The following FGD5 variants were observed in gnomAD, a reference collection of about 807,000 sequenced individuals.
FGD5 encodes the protein FYVE, RhoGEF and PH domain-containing protein 5.
Under a neutral mutation model 133.4 loss-of-function variants are expected in FGD5, and 28 were observed. The observed-to-expected ratio is 0.21, with a 90% CI of 0.16 to 0.29. FGD5 has a LOEUF of 0.29. Ranked by LOEUF, FGD5 falls within the 10% of genes least tolerant of loss-of-function variation. The probability of loss-of-function intolerance (pLI) is 1.00; values close to 1 mark genes in which losing one functional copy is unlikely to be tolerated. For missense variants in FGD5, 1,858 were observed against 1,895.2 expected, an observed-to-expected ratio of 0.98 and a Z score of 0.36; for synonymous variants, 810 against 776.5, an observed-to-expected ratio of 1.04 and a Z score of -0.72.
At chr3:14,813,577 A>T (rs1245522572) in intron 1 of FGD5, among the ~76,000 whole-genome samples, 2 of 152,188 alleles carry the variant, frequency 1.3e-5, no homozygotes. Flanking sequence ...TGAAGATGGG[A>T]TGTCAGAGGG....
In FGD5 at chr3:14,898,844, T is replaced by A. The variant is rs761846937; in HGVS notation, c.3154+18T>A. On this transcript the variant is annotated intron_variant, in intron 7 of 19. Transcript: ENST00000285046. ...CCTCACAGGTGGGCCCCACAGGAGATCAATGGGGACTGAGGCGGCAGGGCA... is the reference window on the plus strand; with the variant it reads ...CCTCACAGGTGGGCCCCACAGGAGAACAATGGGGACTGAGGCGGCAGGGCA... 3.2e-6 allele frequency: 5 copies of A among 1,564,468 alleles called. No individual in the cohort carries two copies. In the East Asian group the frequency reaches 1.2e-4, roughly 37 times the overall value.
intron 11 of FGD5, among the ~76,000 whole-genome samples, chr3:14,915,200 C>T (rs1002609578): frequency 6.6e-6 from 1 of 152,198 alleles, no homozygotes; most frequent in African/African-American, 2.4e-5. Flanking sequence ...GGAGGGGTTC[C>T]TGAGGTCCCA....
chr3:14,887,235 G>C lies in FGD5; in HGVS notation c.2748+6463G>C, dbSNP rs1247286938. Among the ~76,000 whole-genome samples, 3 of 152,164 alleles carry C rather than the reference G, an allele frequency of 2.0e-5. 1 individual carries two copies. The highest frequency in any genetic ancestry group is 1.5e-5 in the Non-Finnish European group (1 of 68,038). On this transcript the variant is annotated intron_variant, in intron 4 of 19. Transcript: ENST00000285046. ...CTGTCTGCCTTCATCACTAAACTCT[G>C]AGCTCCTTGAGGGCAAAGAGCTGGA... is the stretch of plus-strand genomic sequence containing the variant.
chr3:14,853,919 TA>T (rs553283335), intron 1 of FGD5, among the ~76,000 whole-genome samples: 27 of 148,928 alleles, frequency 1.8e-4, no homozygotes, highest in African/African-American at 6.4e-4. Context: ...CTTTAATTGA[TA>T]TTCCCTTTAC....
At chr3:14,907,236 C>T (rs1208214815) in intron 9 of FGD5, among the ~76,000 whole-genome samples, 3 of 152,248 alleles carry the variant, frequency 2.0e-5, no homozygotes, top group Non-Finnish European at 4.4e-5. Flanking sequence ...CACGAGGCTC[C>T]ACAGAGTGTG....
chr3:14,925,379 A>G (rs906172288), intron 17 of FGD5, among the ~76,000 whole-genome samples: 3 of 152,096 alleles, frequency 2.0e-5, no homozygotes, highest in East Asian at 3.8e-4. Flanking sequence ...AGATCATTTC[A>G]TAATCACATA....
chr3:14,838,772 C>T (rs1003515604), intron 1 of FGD5, among the ~76,000 whole-genome samples: 10 of 152,190 alleles, frequency 6.6e-5, no homozygotes, highest in African/African-American at 2.4e-4. Flanking sequence ...TATAGACTTC[C>T]AGTCCAAACA....
intron 1 of FGD5, among the ~76,000 whole-genome samples, chr3:14,834,673 G>C (rs368480269): frequency 2.0e-5 from 3 of 152,180 alleles, no homozygotes; most frequent in Non-Finnish European, 4.4e-5. Flanking sequence ...TTAATCAGAC[G>C]TTTGCAGAAC....
chr3:14,902,737 G>T (rs1371258702), intron 9 of FGD5, among the ~76,000 whole-genome samples: 1 of 152,146 alleles, frequency 6.6e-6, no homozygotes, highest in East Asian at 1.9e-4. Context: ...GTGCTTTGGG[G>T]TCCAGCACCC....
intron 1 of FGD5, among the ~76,000 whole-genome samples, chr3:14,842,194 A>G (rs1463004366): frequency 6.6e-6 from 1 of 152,228 alleles, no homozygotes; most frequent in Admixed American, 6.5e-5. Context: ...CTCAGACCTC[A>G]GGACCACAGC....
At chr3:14,900,669 G>A (rs1339827361) in intron 8 of FGD5, among the ~76,000 whole-genome samples, 2 of 152,114 alleles carry the variant, frequency 1.3e-5, no homozygotes, top group South Asian at 2.1e-4. Flanking sequence ...ATCCTAGGAC[G>A]GGAGGACATC....
chr3:14,888,911 G>A (rs922172632), intron 4 of FGD5, among the ~76,000 whole-genome samples: 2 of 152,196 alleles, frequency 1.3e-5, no homozygotes, highest in Non-Finnish European at 2.9e-5. Context: ...AAATTATCCC[G>A]CCCCAGCCAA....
At position 14,922,442 on chromosome 3, in the gene FGD5, A is replaced by T. The variant is rs761952977; in HGVS notation, c.3701A>T (p.Glu1234Val). The change falls in exon 15 of 20, where the codon GAG (glutamate) becomes GTG (valine). Residue 1234 changes from glutamate to valine, a missense_variant. Physicochemically the swap from Glu to Val is moderately radical, Grantham distance 121. This residue lies in a region of FGD5 where 1,824 missense variants were observed against 1,848.9 expected (regional missense o/e 0.99). Coordinates refer to ENST00000285046, the MANE Select transcript of FGD5 (RefSeq NM_152536.4). The surrounding 1 kb of genome is among the most constrained non-coding windows in gnomAD (Gnocchi z 4.1). ...GAGAGGCTGGGGGTTAGCCTTGGGG[A>T]GAGGCCCCCCACCCTGGTGCCTGTC... is the stretch of plus-strand genomic sequence containing the variant. ...IRERLGVSLG[E>V]RPPTLVPVTH... 8.3e-6 allele frequency: 13 copies of T among 1,569,718 alleles called. No individual in the cohort carries two copies. Among genetic ancestry groups the T allele is most frequent in the Non-Finnish European group, 1.1e-5 (13 of 1,157,438 alleles).
Position 14,923,995 on chromosome 3 carries a change from C to CT in FGD5, c.3938-10dup, listed in dbSNP as rs774781346. 3.1e-6 allele frequency: 5 copies of CT among 1,613,740 alleles called. No homozygotes were observed. The highest frequency in any genetic ancestry group is 4.2e-6 in the Non-Finnish European group (5 of 1,179,862). On this transcript the variant is annotated splice_polypyrimidine_tract_variant and intron_variant, in intron 16 of 19. Transcript: ENST00000285046. Reference sequence around the variant, plus strand: ...CTCTCACCTCCCTTCCATGTGGCTTCTTTCAGTTACAGAGCGGCCTGTGAG... The same window carrying CT: ...CTCTCACCTCCCTTCCATGTGGCTTCTTTTCAGTTACAGAGCGGCCTGTGAG...
chr3:14,831,657 G>A lies in FGD5; in HGVS notation c.2525+10061G>A, dbSNP rs1260859250. Among the ~76,000 whole-genome samples, 3 of 152,160 alleles carry A rather than the reference G, an allele frequency of 2.0e-5. No homozygotes were observed. In the East Asian group the frequency reaches 5.8e-4, roughly 29 times the overall value. ...ATAAGGTTGGGAAGGCTCTTGAAAA[G>A]GAGTGTGTTGAATTTGGATTTGTAC... On this transcript the variant is annotated intron_variant, in intron 1 of 19. Coordinates refer to ENST00000285046, the MANE Select transcript of FGD5 (RefSeq NM_152536.4).
intron 1 of FGD5, among the ~76,000 whole-genome samples, chr3:14,845,180 G>A (rs4395384): frequency 0.5 from 75,712 of 152,050 alleles, 19,208 homozygotes; most frequent in African/African-American, 0.55. Context: ...TCCACTGCAG[G>A]TCCTTTCCAT....
At chr3:14,896,525 C>T (rs1240168373) in intron 4 of FGD5, among the ~76,000 whole-genome samples, 4 of 151,914 alleles carry the variant, frequency 2.6e-5, no homozygotes, top group African/African-American at 9.7e-5. Context: ...GGGTGGAGTG[C>T]AATGGCGCGA....
intron 6 of FGD5, among the ~76,000 whole-genome samples, chr3:14,898,372 A>T (rs2038175481): frequency 6.6e-6 from 1 of 152,190 alleles, no homozygotes; most frequent in South Asian, 2.1e-4. Flanking sequence ...CAACCAAGCC[A>T]GAGCCCCAGC....
At chr3:14,892,282 G>C (rs1426740616) in intron 4 of FGD5, among the ~76,000 whole-genome samples, 1 of 151,636 alleles carries the variant, frequency 6.6e-6, no homozygotes, top group Non-Finnish European at 1.5e-5. Context: ...ACTCACTGCA[G>C]TCTCGACCTC....
Sources: gnomAD v4.1 joint callset for allele counts (sites outside exome capture counted in the v4.1 genomes callset) on GRCh38, gnomAD v4.1.1 for gene constraint, gnomAD v4.1.1 regional missense constraint, Gnocchi (gnomAD v3.1) non-coding constraint, MANE v1.5 for transcripts, NCBI Gene and HGNC (gene_info 2026-07-23, HGNC 2026-07-21) for gene names.